Variants in MYO18B observed in about 807,000 individuals in gnomAD.
MYO18B encodes the protein unconventional myosin-XVIIIb.
Under a neutral mutation model 273.0 loss-of-function variants are expected in MYO18B, and 204 were observed. The ratio of observed to expected loss-of-function variants is 0.75; its 90% CI spans 0.67 to 0.84. MYO18B has a LOEUF of 0.84. Ranked by LOEUF, MYO18B falls within the 40% of genes least tolerant of loss-of-function variation. The pLI is 0.00. For missense variants in MYO18B, 3,212 were observed against 3,287.6 expected, an observed-to-expected ratio of 0.98 and a Z score of 0.56; for synonymous variants, 1,330 against 1,305.7, an observed-to-expected ratio of 1.02 and a Z score of -0.40.
intron 42 of MYO18B, among the ~76,000 whole-genome samples, chr22:26,020,952 G>A (rs150709384): frequency 0.015 from 2,350 of 152,272 alleles, 53 homozygotes; most frequent in African/African-American, 0.054. Flanking sequence ...AGCCTGGCAT[G>A]GTGGTGTGCA....
At chr22:25,824,601 G>C (rs1160678482) in intron 13 of MYO18B, among the ~76,000 whole-genome samples, 2 of 152,126 alleles carry the variant, frequency 1.3e-5, no homozygotes, top group African/African-American at 4.8e-5. Flanking sequence ...GTTGTGAGCT[G>C]TGATTTTGGG....
chr22:25,870,919 A>C (rs368584811), intron 22 of MYO18B, among the ~76,000 whole-genome samples: 1 of 152,250 alleles, frequency 6.6e-6, no homozygotes, highest in African/African-American at 2.4e-5. Context: ...GAAAGAAAAC[A>C]GTCATTACAT....
intron 40 of MYO18B, among the ~76,000 whole-genome samples, chr22:25,996,236 T>G (rs2146870918): frequency 1.3e-5 from 2 of 152,332 alleles, no homozygotes; most frequent in South Asian, 4.1e-4. Flanking sequence ...TATGGCTTCC[T>G]AGCACATTAC....
chr22:25,823,303 G>A (rs1006105326), intron 12 of MYO18B, among the ~76,000 whole-genome samples: 1 of 152,174 alleles, frequency 6.6e-6, no homozygotes, highest in East Asian at 1.9e-4. Context: ...CGAGGAAGTC[G>A]GATAAGCAAG....
intron 27 of MYO18B, 64 bp downstream of exon 27, chr22:25,891,476 A>C: frequency 9.0e-7 from 1 of 1,108,160 alleles, no homozygotes; most frequent in South Asian, 1.4e-5. Flanking sequence ...CCATTTATTC[A>C]GTCACTCATA....
At chr22:25,997,051 G>T (rs568844482) in intron 40 of MYO18B, among the ~76,000 whole-genome samples, 11 of 152,026 alleles carry the variant, frequency 7.2e-5, no homozygotes, top group Admixed American at 1.3e-4. Flanking sequence ...TGCTGGGCGC[G>T]GTGGCTCATG....
At chr22:26,015,222 T>A (rs538384546) in intron 42 of MYO18B, among the ~76,000 whole-genome samples, 1 of 152,334 alleles carries the variant, frequency 6.6e-6, no homozygotes, top group Admixed American at 6.5e-5. Context: ...CCATCTTGAC[T>A]ATTGTAGAAA....
chr22:25,963,111 C>T (rs1302913122), intron 39 of MYO18B, among the ~76,000 whole-genome samples: 1 of 150,994 alleles, frequency 6.6e-6, no homozygotes, highest in East Asian at 1.9e-4. Flanking sequence ...CATGCTGTTT[C>T]TCTCTCTCTC....
At chr22:26,010,164 C>G (rs1934780963) in intron 42 of MYO18B, among the ~76,000 whole-genome samples, 1 of 152,166 alleles carries the variant, frequency 6.6e-6, no homozygotes, top group South Asian at 2.1e-4. Flanking sequence ...AACAAATACT[C>G]TTTCTGCTTC....
intron 9 of MYO18B, among the ~76,000 whole-genome samples, chr22:25,780,512 C>A (rs1273213003): frequency 7.1e-6 from 1 of 141,434 alleles, no homozygotes; most frequent in Admixed American, 7.6e-5. Context: ...ATCCCTTGAA[C>A]CCAGGAGGCG....
chr22:25,974,192 A>G (rs1452931729), intron 39 of MYO18B, among the ~76,000 whole-genome samples: 1 of 152,188 alleles, frequency 6.6e-6, no homozygotes, highest in Non-Finnish European at 1.5e-5. Flanking sequence ...GCTACTCAAC[A>G]ATTAGACCCG....
intron 39 of MYO18B, among the ~76,000 whole-genome samples, chr22:25,975,524 C>A (rs1013872430): frequency 6.6e-6 from 1 of 152,166 alleles, no homozygotes; most frequent in Non-Finnish European, 1.5e-5. Context: ...GCACTTTCAA[C>A]CTTATGAGCA....
chr22:26,058,415 G>A, the MYO18B span, among the ~76,000 whole-genome samples: 1 of 152,298 alleles, frequency 6.6e-6, no homozygotes, highest in South Asian at 2.1e-4. Context: ...GAAGCTGAGG[G>A]TGGAGGTGGA....
chr22:25,753,247 C>T (rs1191680544), intron 1 of MYO18B, among the ~76,000 whole-genome samples: 1 of 151,930 alleles, frequency 6.6e-6, no homozygotes, highest in Non-Finnish European at 1.5e-5. Context: ...GTGGGGGGGG[C>T]GGGGGTTGCT....
At chr22:25,778,103 T>G (rs899649405) in intron 8 of MYO18B, among the ~76,000 whole-genome samples, 3 of 152,050 alleles carry the variant, frequency 2.0e-5, no homozygotes, top group Non-Finnish European at 4.4e-5. Context: ...TAGGAGAGTG[T>G]GATGTGAATG....
chr22:25,857,255 G>A (rs142430866), intron 21 of MYO18B, among the ~76,000 whole-genome samples: 3 of 152,324 alleles, frequency 2.0e-5, no homozygotes, highest in African/African-American at 7.2e-5. Flanking sequence ...TGCTGCTGAA[G>A]CAGGAGTTGC....
At chr22:25,798,226 T>G in intron 12 of MYO18B, 129 bp downstream of exon 12, 1 of 1,221,590 alleles carries the variant, frequency 8.2e-7, no homozygotes, top group Non-Finnish European at 1.1e-6. Context: ...GGGACTTCCC[T>G]TGGGGAGGCT....
At chr22:26,056,159 G>C in the MYO18B span, among the ~76,000 whole-genome samples, 1 of 152,174 alleles carries the variant, frequency 6.6e-6, no homozygotes, top group Non-Finnish European at 1.5e-5. Context: ...TTTATCCAAA[G>C]TGTATTCAAA....
intron 21 of MYO18B, among the ~76,000 whole-genome samples, chr22:25,864,298 A>G (rs1042944482): frequency 6.6e-6 from 1 of 152,162 alleles, no homozygotes; most frequent in African/African-American, 2.4e-5. Flanking sequence ...CCATTGTCCA[A>G]TTTCCAGAGT....
Sources: allele counts gnomAD v4.1 joint callset (sites outside exome capture counted in the v4.1 genomes callset), GRCh38; gene constraint gnomAD v4.1.1; transcripts MANE v1.5; gene names NCBI Gene and HGNC (gene_info 2026-07-23, HGNC 2026-07-21).